The following CACNA1A variants were observed in gnomAD, a reference collection of about 807,000 sequenced individuals.
CACNA1A encodes the protein voltage-dependent P/Q-type calcium channel subunit alpha-1A.
CACNA1A carries 57 observed loss-of-function variants against 262.4 expected under a neutral mutation model. That is an observed-to-expected ratio of 0.22 (90% CI 0.18 to 0.27). The LOEUF (loss-of-function observed/expected upper bound fraction) is 0.27, where lower values mean the gene tolerates loss of function less well. CACNA1A is among the 10% of genes least tolerant of loss of function. The probability of loss-of-function intolerance (pLI) is 1.00; values close to 1 mark genes in which losing one functional copy is unlikely to be tolerated. For synonymous variants in CACNA1A, 1,431 were observed against 1,419.3 expected, an observed-to-expected ratio of 1.01 and a Z score of -0.18; for missense variants, 2,526 against 3,562.8, an observed-to-expected ratio of 0.71 and a Z score of 7.41.
chr19:13,348,238 T>C (rs1182720951), intron 6 of CACNA1A, among the ~76,000 whole-genome samples: 1 of 152,154 alleles, frequency 6.6e-6, no homozygotes, highest in Non-Finnish European at 1.5e-5. Flanking sequence ...CATGCATTTA[T>C]GATCACAAAT....
chr19:13,487,805 G>A (rs944827499), intron 1 of CACNA1A, among the ~76,000 whole-genome samples: 2 of 151,866 alleles, frequency 1.3e-5, no homozygotes, highest in African/African-American at 4.8e-5. Flanking sequence ...TCAGCATTTT[G>A]GGTTTCTTTC....
intron 3 of CACNA1A, among the ~76,000 whole-genome samples, chr19:13,448,467 G>T (rs1460699863): frequency 6.6e-6 from 1 of 152,042 alleles, no homozygotes; most frequent in African/African-American, 2.4e-5. Flanking sequence ...GTTTACCCAT[G>T]TAATAGATCT....
intron 6 of CACNA1A, among the ~76,000 whole-genome samples, chr19:13,339,715 C>T (rs918284904): frequency 6.8e-6 from 1 of 146,900 alleles, no homozygotes; most frequent in Non-Finnish European, 1.5e-5. Context: ...AAAAATGTTA[C>T]AAAGTTAAAA....
At chr19:13,342,607 A>C (rs2058693618) in intron 6 of CACNA1A, among the ~76,000 whole-genome samples, 1 of 152,198 alleles carries the variant, frequency 6.6e-6, no homozygotes, top group Non-Finnish European at 1.5e-5. Flanking sequence ...GGGTTGGCTG[A>C]GGACCACATG....
chr19:13,409,055 T>G (rs138775667), intron 3 of CACNA1A, among the ~76,000 whole-genome samples: 1 of 152,222 alleles, frequency 6.6e-6, no homozygotes, highest in African/African-American at 2.4e-5. Context: ...CACGTCTCCG[T>G]GGCAACAGGC....
At chr19:13,365,067 C>T (rs2059183005) in intron 5 of CACNA1A, 1 of 331,338 alleles carries the variant, frequency 3.0e-6, no homozygotes, top group Non-Finnish European at 5.6e-6. Flanking sequence ...TCCTCATTCC[C>T]CCGATGGTGC....
At chr19:13,251,244 G>A (rs1438567948) in intron 30 of CACNA1A, among the ~76,000 whole-genome samples, 1 of 152,084 alleles carries the variant, frequency 6.6e-6, no homozygotes, top group African/African-American at 2.4e-5. Context: ...AGCACTTTGG[G>A]AGGCCGAGGC....
At chr19:13,351,736 C>T (rs1348325052) in intron 6 of CACNA1A, among the ~76,000 whole-genome samples, 2 of 152,112 alleles carry the variant, frequency 1.3e-5, no homozygotes, top group Non-Finnish European at 2.9e-5. Context: ...TCTCGAATTC[C>T]TGACCTCGTG....
chr19:13,357,076 G>GC (rs775562946), intron 6 of CACNA1A, among the ~76,000 whole-genome samples: 1 of 152,162 alleles, frequency 6.6e-6, no homozygotes. Context: ...CGTGACAGGC[G>GC]CAACTGTTCA....
Position 13,261,581 on chromosome 19 carries a change from A to C in CACNA1A, c.4119T>G (p.Leu1373=), listed in dbSNP as rs750061268. 1 of 1,609,734 alleles carries C rather than the reference A, an allele frequency of 6.2e-7. No homozygotes were observed. The highest frequency in any genetic ancestry group is 1.1e-5 in the South Asian group (1 of 90,044). ...KAVFDCVVNS[L]KNVFNILIVY... ...CGATGAGGATGTTGAAGACGTTTTT[A>C]AGTGAGTTCACCACACAGTCAAACA... is the stretch of plus-strand genomic sequence containing the variant. Residue 1373 remains leucine (L), a synonymous_variant, in exon 26 of 47, where the codon CTT becomes CTG. Transcript: ENST00000360228.
At position 13,253,131 on chromosome 19, in the gene CACNA1A, T is replaced by A. The variant is rs201089550; in HGVS notation, c.4756-30A>T. On this transcript the variant is annotated intron_variant, in intron 29 of 46. Coordinates refer to ENST00000360228, the MANE Select transcript of CACNA1A (RefSeq NM_001127222.2). Reference sequence around the variant, plus strand: ...GGGAAAGAAGCAGGAGTAGCAGGGGTCAGCGAGCAGGGGTGGGAAGTGGGA... The same window carrying A: ...GGGAAAGAAGCAGGAGTAGCAGGGGACAGCGAGCAGGGGTGGGAAGTGGGA... The A allele has an allele frequency of 2.5e-4, 357 of 1,449,466 alleles. 1 individual carries two copies. Among genetic ancestry groups the A allele is most frequent in the Middle Eastern group, 5.2e-4 (3 of 5,734 alleles). 89.8% of individuals were successfully genotyped at this position (1,449,466 alleles called of 1,614,324 possible). A position where few individuals can be genotyped will look rare whatever the true frequency, so the allele number is the denominator to read the frequency against.
At chr19:13,466,014 G>A (rs374354805) in intron 1 of CACNA1A, among the ~76,000 whole-genome samples, 1 of 151,800 alleles carries the variant, frequency 6.6e-6, no homozygotes, top group East Asian at 1.9e-4. Flanking sequence ...GGTGGGGAGG[G>A]GAGAAGGAGA....
At chr19:13,333,264 C>T (rs1004509092) in intron 8 of CACNA1A, among the ~76,000 whole-genome samples, 1 of 152,164 alleles carries the variant, frequency 6.6e-6, no homozygotes, top group Non-Finnish European at 1.5e-5. Flanking sequence ...GGCTTCCTTG[C>T]TGTGTCTCAA....
intron 3 of CACNA1A, among the ~76,000 whole-genome samples, chr19:13,446,310 C>A (rs918637556): frequency 4.7e-5 from 7 of 150,518 alleles, no homozygotes; most frequent in Admixed American, 4.0e-4. Context: ...GTCTCAATGT[C>A]AAATTAATAT....
chr19:13,307,882 T>A (rs2057939222), intron 14 of CACNA1A, 28 bp from the exon 15 acceptor site: 1 of 1,605,310 alleles, frequency 6.2e-7, no homozygotes, highest in Admixed American at 1.7e-5. Flanking sequence ...ACATTTCACG[T>A]TGGCCCCACC....
intron 1 of CACNA1A, among the ~76,000 whole-genome samples, chr19:13,501,044 A>G (rs1982317288): frequency 6.6e-6 from 1 of 152,116 alleles, no homozygotes; most frequent in Non-Finnish European, 1.5e-5. Context: ...TGCTGACTCA[A>G]GAGGGGCACT....
At chr19:13,321,357 G>A (rs1490618486) in intron 10 of CACNA1A, among the ~76,000 whole-genome samples, 2 of 152,010 alleles carry the variant, frequency 1.3e-5, no homozygotes, top group African/African-American at 4.8e-5. Flanking sequence ...GTTCTATGGT[G>A]GGGGAAGGGG....
intron 30 of CACNA1A, among the ~76,000 whole-genome samples, chr19:13,250,327 C>G (rs142967668): frequency 1.3e-5 from 2 of 151,810 alleles, no homozygotes; most frequent in Non-Finnish European, 2.9e-5. Context: ...CCCAAACTGC[C>G]GGGATTACAG....
intron 1 of CACNA1A, 143 bp downstream of exon 1, chr19:13,505,789 G>A (rs1024645951): frequency 6.1e-5 from 39 of 635,078 alleles, no homozygotes; most frequent in Non-Finnish European, 9.0e-5. Context: ...CACTCCTCCC[G>A]GTGCCCCCTC....
Sources: gnomAD v4.1 joint callset for allele counts (sites outside exome capture counted in the v4.1 genomes callset) on GRCh38, gnomAD v4.1.1 for gene constraint, MANE v1.5 for transcripts, NCBI Gene and HGNC (gene_info 2026-07-23, HGNC 2026-07-21) for gene names.